The following POTEB3 variants were observed in gnomAD, a reference collection of about 807,000 sequenced individuals.
POTEB3 encodes the protein ANKRD26-like family B member 1.
In POTEB3, 5 loss-of-function variants were observed where a neutral mutation model predicts 39.8. That is an observed-to-expected ratio of 0.13 (90% confidence interval 0.07 to 0.26). The LOEUF is 0.26. Ranked by LOEUF, POTEB3 falls within the 10% of genes least tolerant of loss-of-function variation. The pLI, the probability that POTEB3 is intolerant of heterozygous loss-of-function variation, is 1.00. For synonymous variants in POTEB3, 5 were observed against 161.5 expected, an observed-to-expected ratio of 0.03 and a Z score of 7.35; for missense variants, 24 against 475.6, an observed-to-expected ratio of 0.05 and a Z score of 8.83.
intron 3 of POTEB3, among the ~76,000 whole-genome samples, chr15:21,433,409 T>C (rs1300251551): frequency 2.7e-5 from 4 of 149,960 alleles, no homozygotes; most frequent in African/African-American, 9.8e-5. Context: ...TTTTTAAACA[T>C]ACATATCCAG....
Position 21,419,442 on chromosome 15 carries a change from T to G in POTEB3, c.1409+22A>C. The G allele has an allele frequency of 5.3e-6, 4 of 749,382 alleles. 2 individuals are homozygous for G. The highest frequency in any genetic ancestry group is 7.4e-6 in the Non-Finnish European group (4 of 541,624). The allele number at this position is 749,382 out of a possible 1,614,324, so 46.4% of individuals were successfully genotyped here. On this transcript the variant is annotated intron_variant, in intron 9 of 10. Coordinates refer to ENST00000611217, the MANE Select transcript of POTEB3 (RefSeq NM_207355.5). The stretch of plus-strand genomic sequence containing the variant: ...AAATTAGGATTAGTTTGACAGCATA[T>G]AGTTATCTCCTATAGGCTTACCTGT...
At chr15:21,433,198 A>T (rs1389288059) in intron 3 of POTEB3, among the ~76,000 whole-genome samples, 2 of 151,270 alleles carry the variant, frequency 1.3e-5, no homozygotes, top group Non-Finnish European at 2.9e-5. Context: ...AAGAATTTAC[A>T]TATTACACTT....
chr15:21,430,965 T>TGAC (rs1449806499), intron 4 of POTEB3, among the ~76,000 whole-genome samples: 10 of 151,698 alleles, frequency 6.6e-5, no homozygotes, highest in Non-Finnish European at 1.0e-4. Context: ...TTTTCACATA[T>TGAC]GACAACATAT....
chr15:21,413,981 G>C (rs1204963384), intron 9 of POTEB3, among the ~76,000 whole-genome samples: 1 of 78,886 alleles, frequency 1.3e-5, no homozygotes, highest in Non-Finnish European at 2.2e-5. Context: ...TAATGATTTT[G>C]TTTGAAAATA....
intron 4 of POTEB3, among the ~76,000 whole-genome samples, chr15:21,430,669 A>G (rs1340135850): frequency 6.6e-6 from 1 of 151,084 alleles, no homozygotes; most frequent in African/African-American, 2.5e-5. Flanking sequence ...TTTGATGGGC[A>G]AGAAACAATG....
At chr15:21,422,607 C>A (rs1205851685) in intron 6 of POTEB3, among the ~76,000 whole-genome samples, 1 of 136,146 alleles carries the variant, frequency 7.3e-6, no homozygotes, top group Admixed American at 7.5e-5. Context: ...CAGGAAAGGT[C>A]ATGGTGACCC....
intron 6 of POTEB3, among the ~76,000 whole-genome samples, chr15:21,423,058 T>A (rs1172454862): frequency 3.3e-4 from 49 of 148,154 alleles, no homozygotes; most frequent in African/African-American, 1.1e-3. Context: ...CTTCTTAACA[T>A]CTAAAATGTT....
intron 6 of POTEB3, among the ~76,000 whole-genome samples, chr15:21,422,584 TA>T (rs1898549032): frequency 7.3e-6 from 1 of 137,690 alleles, no homozygotes; most frequent in Non-Finnish European, 1.6e-5. Context: ...CTAAGGATAG[TA>T]ACAAGCAGGC....
In POTEB3 at chr15:21,433,627, C is replaced by A. The variant is rs1899064504; in HGVS notation, c.810+1034G>T. Among the ~76,000 whole-genome samples, 3 of 149,442 alleles carry A rather than the reference C, an allele frequency of 2.0e-5. No homozygotes were observed. The East Asian group carries it at 5.9e-4, about 29-fold the overall frequency. On this transcript the variant is annotated intron_variant, in intron 3 of 10. Transcript: ENST00000611217. ...AAAAGAGGAAAGAGTAGGAGAGAGA[C>A]TCATTTGCTGAAAACACCACAAAAT...
At chr15:21,434,089 A>C (rs1463669539) in intron 3 of POTEB3, among the ~76,000 whole-genome samples, 3 of 142,372 alleles carry the variant, frequency 2.1e-5, no homozygotes, top group Admixed American at 6.9e-5. Flanking sequence ...ACAAAAAAAA[A>C]ACCTCTTCAT....
intron 3 of POTEB3, among the ~76,000 whole-genome samples, chr15:21,433,694 T>A (rs1362850171): frequency 6.7e-6 from 1 of 148,738 alleles, no homozygotes; most frequent in Non-Finnish European, 1.5e-5. Flanking sequence ...AAACTCAAAA[T>A]CCAACCTGAT....
intron 5 of POTEB3, among the ~76,000 whole-genome samples, chr15:21,428,416 T>A (rs1331113738): frequency 6.9e-6 from 1 of 144,320 alleles, no homozygotes; most frequent in Non-Finnish European, 1.5e-5. Context: ...AATTTTTTCA[T>A]AAATCTCTCA....
At chr15:21,413,899 G>T (rs1450592173) in intron 9 of POTEB3, among the ~76,000 whole-genome samples, 4 of 76,478 alleles carry the variant, frequency 5.2e-5, no homozygotes, top group African/African-American at 1.2e-4. Context: ...AACTATTGGG[G>T]GGGGGTGTAT....
intron 4 of POTEB3, among the ~76,000 whole-genome samples, chr15:21,430,975 T>C (rs1362224668): frequency 1.3e-5 from 2 of 151,444 alleles, no homozygotes; most frequent in East Asian, 1.9e-4. Context: ...TGACAACATA[T>C]TGGGTGGTAA....
rs1359991052 is a variant in POTEB3, at chr15:21,410,768, C to A, written c.1533+110G>T. 3 of 695,762 alleles carry A rather than the reference C, an allele frequency of 4.3e-6. 1 individual carries two copies. The South Asian group carries it at 6.0e-5, about 14-fold the overall frequency. 43.1% of individuals were successfully genotyped at this position (695,762 alleles called of 1,614,324 possible). On this transcript the variant is annotated intron_variant, in intron 10 of 10. Transcript: ENST00000611217. ...GTATATATACACACACACAGACACA[C>A]ACACACGTGTGTATATATATGATTT...
At position 21,432,312 on chromosome 15, in the gene POTEB3, TACTC is replaced by T. The variant is rs1256969237; in HGVS notation, c.811-471_811-468del. Among the ~76,000 whole-genome samples, 6 of 35,078 alleles carry T rather than the reference TACTC, an allele frequency of 1.7e-4. No homozygotes were observed. The Admixed American group carries it at 2.1e-3, about 12-fold the overall frequency. The allele number at this position is 35,078 out of a possible 152,430, so 23.0% of individuals were successfully genotyped here. On this transcript the variant is annotated intron_variant, in intron 3 of 10. Coordinates refer to ENST00000611217, the MANE Select transcript of POTEB3 (RefSeq NM_207355.5). ...AACATGCAATAAATATTGCTATTAA[TACTC>T]ACACTGCCCATTTCAAGAATTTTTT...
At chr15:21,434,091 C>A (rs1216524024) in intron 3 of POTEB3, among the ~76,000 whole-genome samples, 1 of 139,718 alleles carries the variant, frequency 7.2e-6, no homozygotes, top group African/African-American at 2.8e-5. Flanking sequence ...AAAAAAAAAA[C>A]CTCTTCATGG....
intron 3 of POTEB3, among the ~76,000 whole-genome samples, chr15:21,433,341 G>A (rs1899050935): frequency 1.3e-5 from 2 of 150,376 alleles, no homozygotes; most frequent in African/African-American, 4.9e-5. Flanking sequence ...TCCCACCTCA[G>A]CCTCCCTAGC....
intron 3 of POTEB3, among the ~76,000 whole-genome samples, chr15:21,434,405 G>C (rs1261876388): frequency 9.4e-6 from 1 of 106,724 alleles, no homozygotes; most frequent in Non-Finnish European, 1.9e-5. Flanking sequence ...AAAAAAAAAA[G>C]TATTACCTTT....
Sources: allele counts gnomAD v4.1 joint callset (sites outside exome capture counted in the v4.1 genomes callset), GRCh38; gene constraint gnomAD v4.1.1; transcripts MANE v1.5; gene names NCBI Gene and HGNC (gene_info 2026-07-23, HGNC 2026-07-21).